LOC128462377: variants seen among roughly 807,000 people sequenced by gnomAD.
chr16:89,387,025 T>G, the LOC128462377 span, among the ~76,000 whole-genome samples: 240 of 151,656 alleles, frequency 1.6e-3, no homozygotes, highest in Middle Eastern at 0.01. Flanking sequence ...CCGCCCGTGG[T>G]GACAGGCCAG....
chr16:89,390,703 G>C, the LOC128462377 span, among the ~76,000 whole-genome samples: 2 of 152,124 alleles, frequency 1.3e-5, no homozygotes, highest in Non-Finnish European at 2.9e-5. Flanking sequence ...TGAGCACACA[G>C]CCAGGGGCCA....
the LOC128462377 span, among the ~76,000 whole-genome samples, chr16:89,318,380 C>T: frequency 5.6e-3 from 860 of 152,338 alleles, 1 homozygote; most frequent in Non-Finnish European, 9.1e-3. Flanking sequence ...ATGTCCTCGC[C>T]GCACCGTCAG....
At chr16:89,399,428 G>C in the LOC128462377 span, among the ~76,000 whole-genome samples, 1 of 152,210 alleles carries the variant, frequency 6.6e-6, no homozygotes, top group African/African-American at 2.4e-5. Flanking sequence ...ACGCTGTACG[G>C]TTCCGACTCT....
At chr16:89,398,560 AT>A in the LOC128462377 span, among the ~76,000 whole-genome samples, 53 of 151,868 alleles carry the variant, frequency 3.5e-4, no homozygotes, top group African/African-American at 1.1e-3. Context: ...CTTAAAAAAA[AT>A]TTTTTTTTAA....
chr16:89,417,500 T>C, the LOC128462377 span, among the ~76,000 whole-genome samples: 1 of 152,046 alleles, frequency 6.6e-6, no homozygotes, highest in Non-Finnish European at 1.5e-5. Flanking sequence ...CCAAAGTCTT[T>C]TTGGAGACTG....
the LOC128462377 span, among the ~76,000 whole-genome samples, chr16:89,393,634 G>A: frequency 6.6e-5 from 10 of 151,910 alleles, no homozygotes; most frequent in Non-Finnish European, 1.2e-4. Flanking sequence ...AAGCCACTGC[G>A]CCCGGCCTAG....
chr16:89,405,142 G>A, the LOC128462377 span, among the ~76,000 whole-genome samples: 1 of 151,974 alleles, frequency 6.6e-6, no homozygotes, highest in African/African-American at 2.4e-5. Flanking sequence ...TGCGGTGAGT[G>A]GAGATCACGC....
the LOC128462377 span, chr16:89,418,154 T>C: frequency 2.5e-6 from 1 of 401,766 alleles, no homozygotes; most frequent in Non-Finnish European, 5.2e-6. Flanking sequence ...AGAACAAAAT[T>C]CACAACATTT....
the LOC128462377 span, among the ~76,000 whole-genome samples, chr16:89,379,269 C>T: frequency 1.3e-5 from 2 of 152,206 alleles, no homozygotes. Flanking sequence ...ATCTTGAAAA[C>T]TTAGGGCTTT....
the LOC128462377 span, among the ~76,000 whole-genome samples, chr16:89,378,156 C>T: frequency 6.6e-6 from 1 of 152,092 alleles, no homozygotes; most frequent in Non-Finnish European, 1.5e-5. Context: ...TTGAGACCAG[C>T]CTGGGCAACA....
the LOC128462377 span, among the ~76,000 whole-genome samples, chr16:89,379,354 T>A: frequency 6.6e-6 from 1 of 152,234 alleles, no homozygotes; most frequent in African/African-American, 2.4e-5. Context: ...TCAAATCAAG[T>A]GTTACCAGTG....
chr16:89,350,979 T>C, the LOC128462377 span, among the ~76,000 whole-genome samples: 3 of 152,338 alleles, frequency 2.0e-5, no homozygotes, highest in East Asian at 5.8e-4. Context: ...CTCTGCCTTC[T>C]GGATCTGGGT....
chr16:89,325,407 C>T, the LOC128462377 span, among the ~76,000 whole-genome samples: 8 of 151,954 alleles, frequency 5.3e-5, no homozygotes, highest in East Asian at 1.6e-3. Context: ...CACTGTACTC[C>T]AGCCCGGGCG....
At chr16:89,409,065 A>T in the LOC128462377 span, among the ~76,000 whole-genome samples, 1 of 152,214 alleles carries the variant, frequency 6.6e-6, no homozygotes, top group African/African-American at 2.4e-5. Flanking sequence ...CACCTGCACA[A>T]AAGGCCAGAG....
the LOC128462377 span, among the ~76,000 whole-genome samples, chr16:89,346,040 G>A: frequency 5.9e-5 from 9 of 151,798 alleles, no homozygotes; most frequent in Non-Finnish European, 1.0e-4. Context: ...TCAAGAGTTT[G>A]AGACCAGGCT....
At chr16:89,368,053 C>T in the LOC128462377 span, among the ~76,000 whole-genome samples, 1 of 152,152 alleles carries the variant, frequency 6.6e-6, no homozygotes, top group Non-Finnish European at 1.5e-5. Context: ...AACTGCTGTG[C>T]TCCGTTTATC....
At chr16:89,324,573 T>C in the LOC128462377 span, 8,532 of 453,804 alleles carry the variant, frequency 0.019, 646 homozygotes, top group African/African-American at 0.15. Flanking sequence ...ACCCTCCATC[T>C]GGGGGGGCAT....
chr16:89,381,624 C>T, the LOC128462377 span, among the ~76,000 whole-genome samples: 3 of 152,188 alleles, frequency 2.0e-5, no homozygotes, highest in African/African-American at 7.2e-5. Context: ...TGAAAGCTGT[C>T]AACATCCCCC....
chr16:89,407,686 T>C, the LOC128462377 span, among the ~76,000 whole-genome samples: 79,722 of 150,170 alleles, frequency 0.53, 21,161 homozygotes, highest in Middle Eastern at 0.72. Flanking sequence ...CACACACACA[T>C]AGACACACAC....
Sources: gnomAD v4.1 joint callset for allele counts (sites outside exome capture counted in the v4.1 genomes callset) on GRCh38, gnomAD v4.1.1 for gene constraint, MANE v1.5 for transcripts.